CD44: variants seen among roughly 807,000 people sequenced by gnomAD.
CD44 encodes CD44 molecule (IN blood group), also known as CD44 antigen.
CD44 carries 49 observed loss-of-function variants against 88.8 expected under a neutral mutation model. The ratio of observed to expected loss-of-function variants is 0.55; its 90% CI spans 0.44 to 0.70. CD44 has a LOEUF of 0.70. CD44 is among the 30% of genes least tolerant of loss of function. CD44 has a pLI of 0.00. For missense variants in CD44, 883 were observed against 913.8 expected, an observed-to-expected ratio of 0.97 and a Z score of 0.43; for synonymous variants, 325 against 312.3, an observed-to-expected ratio of 1.04 and a Z score of -0.43.
At chr11:35,173,611 G>T (rs1403891614) in intron 1 of CD44, among the ~76,000 whole-genome samples, 1 of 152,182 alleles carries the variant, frequency 6.6e-6, no homozygotes. Flanking sequence ...ATTGGCTTAT[G>T]TCTTTTCAAG....
intron 1 of CD44, among the ~76,000 whole-genome samples, chr11:35,163,460 A>G (rs1942892149): frequency 3.3e-5 from 5 of 152,136 alleles, no homozygotes; most frequent in African/African-American, 7.2e-5. Context: ...AAAAGCATCA[A>G]TCTATGGAGT....
intron 7 of CD44, 23 bp downstream of exon 7, chr11:35,198,269 C>T: frequency 6.2e-7 from 1 of 1,609,514 alleles, no homozygotes; most frequent in Non-Finnish European, 8.5e-7. Flanking sequence ...AATTACAGTA[C>T]AGCCATTTAT....
In CD44 at chr11:35,211,174, T is replaced by A; in HGVS notation, c.1607-72T>A. On this transcript the variant is annotated intron_variant, in intron 13 of 17. Coordinates refer to ENST00000428726, the MANE Select transcript of CD44 (RefSeq NM_000610.4). Reference sequence around the variant, plus strand: ...GGAAAGCTTTTGCAGCAATTGTGTGTTCTGGAGACAAGCACATGGTGGGTG... The same window carrying A: ...GGAAAGCTTTTGCAGCAATTGTGTGATCTGGAGACAAGCACATGGTGGGTG... 2.6e-6 allele frequency: 3 copies of A among 1,154,742 alleles called. No homozygotes were observed. In the South Asian group the frequency reaches 3.7e-5, roughly 14 times the overall value. The allele number at this position is 1,154,742 out of a possible 1,614,324, so 71.5% of individuals were successfully genotyped here.
At chr11:35,185,949 G>A (rs1945631683) in intron 3 of CD44, among the ~76,000 whole-genome samples, 2 of 152,176 alleles carry the variant, frequency 1.3e-5, no homozygotes, top group Admixed American at 6.5e-5. Context: ...TGCTCAGAGG[G>A]CTACCAGTAA....
chr11:35,182,009 G>GTATATATAAATATATACACATT (rs1565081892), intron 3 of CD44, among the ~76,000 whole-genome samples: 11 of 110,282 alleles, frequency 1.0e-4, no homozygotes, highest in African/African-American at 2.1e-4. Context: ...TTATATATAT[G>GTATATATAAATATATACACATT]TATATATGTA....
intron 3 of CD44, 119 bp downstream of exon 3, chr11:35,180,526 C>A: frequency 9.0e-7 from 1 of 1,112,570 alleles, no homozygotes; most frequent in Non-Finnish European, 1.3e-6. Context: ...CACTGAATAT[C>A]TGTACAGCAG....
intron 15 of CD44, among the ~76,000 whole-genome samples, chr11:35,216,182 C>T (rs956333139): frequency 6.6e-6 from 1 of 152,002 alleles, no homozygotes; most frequent in East Asian, 1.9e-4. Flanking sequence ...CTTAAATAGA[C>T]TCCTGTTTGT....
rs1419951407 is a variant in CD44, at chr11:35,177,776, A to G, written c.233+1036A>G. ...CTTTTGCCTAAAATTGCCCTGTCTGATATGGTAGCCACTAACCACATGTGG... is the reference window on the plus strand; with the variant it reads ...CTTTTGCCTAAAATTGCCCTGTCTGGTATGGTAGCCACTAACCACATGTGG... On this transcript the variant is annotated intron_variant, in intron 2 of 17. Coordinates refer to ENST00000428726, the MANE Select transcript of CD44 (RefSeq NM_000610.4). Among the ~76,000 whole-genome samples, 10 of 152,338 alleles carry G rather than the reference A, an allele frequency of 6.6e-5. 1 individual carries two copies. In the South Asian group the frequency reaches 2.1e-3, roughly 32 times the overall value.
At chr11:35,153,183 A>C (rs1278719857) in intron 1 of CD44, among the ~76,000 whole-genome samples, 1 of 152,206 alleles carries the variant, frequency 6.6e-6, no homozygotes, top group Non-Finnish European at 1.5e-5. Flanking sequence ...GTTTCCTTTC[A>C]TTTTATCCTT....
At chr11:35,200,593 T>TC (rs1947218727) in intron 7 of CD44, 1 of 155,974 alleles carries the variant, frequency 6.4e-6, no homozygotes, top group Non-Finnish European at 1.4e-5. Flanking sequence ...GGCATTCCTT[T>TC]CCCCACTGAA....
chr11:35,193,890 T>G (rs534131790), intron 5 of CD44, among the ~76,000 whole-genome samples: 18 of 152,312 alleles, frequency 1.2e-4, no homozygotes, highest in African/African-American at 4.3e-4. Flanking sequence ...TGAACACATT[T>G]TCTTTGCAAA....
intron 6 of CD44, 80 bp downstream of exon 6, chr11:35,196,954 A>G (rs1946818374): frequency 6.2e-6 from 9 of 1,456,096 alleles, no homozygotes; most frequent in Non-Finnish European, 6.6e-6. Flanking sequence ...GGATGTTATT[A>G]AAGCCTAACG....
rs77822908 is a variant in CD44, at chr11:35,174,730, A to G, written c.68-1845A>G. Among the ~76,000 whole-genome samples the G allele has an allele frequency of 2.3e-3, 346 of 152,350 alleles. 2 individuals are homozygous for G. The highest frequency in any genetic ancestry group is 8.0e-3 in the African/African-American group (332 of 41,578). ...CATTTTCAATGCCATTAACTCTGAGAGCAAACGACAGGCTTTTGGTCTGCC... is the reference window on the plus strand; with the variant it reads ...CATTTTCAATGCCATTAACTCTGAGGGCAAACGACAGGCTTTTGGTCTGCC... On this transcript the variant is annotated intron_variant, in intron 1 of 17. Coordinates refer to ENST00000428726, the MANE Select transcript of CD44 (RefSeq NM_000610.4).
At chr11:35,168,602 C>T (rs1943552783) in intron 1 of CD44, among the ~76,000 whole-genome samples, 1 of 152,230 alleles carries the variant, frequency 6.6e-6, no homozygotes, top group Non-Finnish European at 1.5e-5. Flanking sequence ...CTTCTCCTTA[C>T]ATATAGCTTA....
intron 1 of CD44, 164 bp downstream of exon 1, chr11:35,139,534 C>T: frequency 1.3e-6 from 1 of 776,984 alleles, no homozygotes; most frequent in Non-Finnish European, 2.3e-6. Flanking sequence ...TGCGCTAAAC[C>T]GTTGGAGAAT....
At chr11:35,147,437 G>A (rs1396831216) in intron 1 of CD44, among the ~76,000 whole-genome samples, 1 of 152,134 alleles carries the variant, frequency 6.6e-6, no homozygotes, top group African/African-American at 2.4e-5. Context: ...GGCCCAGCAT[G>A]TGACCATCCC....
At chr11:35,183,446 A>C (rs1446810597) in intron 3 of CD44, among the ~76,000 whole-genome samples, 3 of 152,176 alleles carry the variant, frequency 2.0e-5, no homozygotes, top group Non-Finnish European at 4.4e-5. Flanking sequence ...TAAGTGAGCT[A>C]AAGATTTTGA....
At chr11:35,210,224 C>T (rs1207325545) in intron 13 of CD44, 170 bp downstream of exon 13, 1 of 462,942 alleles carries the variant, frequency 2.2e-6, no homozygotes, top group East Asian at 3.7e-5. Flanking sequence ...TTTTATATAC[C>T]TCTTCGTACA....
intron 3 of CD44, among the ~76,000 whole-genome samples, chr11:35,183,942 G>A (rs1421290882): frequency 3.3e-5 from 5 of 152,282 alleles, no homozygotes; most frequent in Admixed American, 6.5e-5. Context: ...TGAAGAGGGT[G>A]CCTTTCTATC....
Sources: gnomAD v4.1 joint callset for allele counts (sites outside exome capture counted in the v4.1 genomes callset) on GRCh38, gnomAD v4.1.1 for gene constraint, MANE v1.5 for transcripts, NCBI Gene and HGNC (gene_info 2026-07-23, HGNC 2026-07-21) for gene names.